Variants in BBS9 observed in about 807,000 individuals in gnomAD.
BBS9 encodes the protein Bardet-Biedl syndrome 9, also known as protein PTHB1.
BBS9 carries 89 observed loss-of-function variants against 117.7 expected under a neutral mutation model. That is an observed-to-expected ratio of 0.76 (90% CI 0.64 to 0.90). BBS9 has a LOEUF of 0.90. Among genes scored for constraint, BBS9 ranks in the 40% least tolerant of loss-of-function variants. The pLI is 0.00. For synonymous variants in BBS9, 379 were observed against 370.9 expected, an observed-to-expected ratio of 1.02 and a Z score of -0.25; for missense variants, 982 against 1,042.2, an observed-to-expected ratio of 0.94 and a Z score of 0.80.
chr7:33,633,511 T>TTTC (rs1491142150), intron 21 of BBS9, among the ~76,000 whole-genome samples: 26 of 104,146 alleles, frequency 2.5e-4, no homozygotes, highest in African/African-American at 8.9e-4. Context: ...AACTTTTTTC[T>TTTC]TTTTTTTTTT....
At chr7:33,141,697 T>C (rs539278274) in intron 1 of BBS9, among the ~76,000 whole-genome samples, 1 of 152,306 alleles carries the variant, frequency 6.6e-6, no homozygotes, top group East Asian at 1.9e-4. Context: ...AGATGCACTT[T>C]TTTTTTGTAG....
intron 9 of BBS9, among the ~76,000 whole-genome samples, chr7:33,282,609 T>A (rs369254505): frequency 3.9e-5 from 6 of 152,198 alleles, no homozygotes; most frequent in African/African-American, 4.8e-5. Context: ...CCTGACCTCG[T>A]GAGTCACCCG....
chr7:33,439,078 C>T lies in BBS9; in HGVS notation c.2115+50934C>T, dbSNP rs41335348. On this transcript the variant is annotated intron_variant, in intron 19 of 22. Coordinates refer to ENST00000242067, the MANE Select transcript of BBS9 (RefSeq NM_198428.3). ...AAAAATGCCTGTATTCTTGGTCAAGCTTTATGGACCCTTCAGCCCTAAAGC... is the reference window on the plus strand; with the variant it reads ...AAAAATGCCTGTATTCTTGGTCAAGTTTTATGGACCCTTCAGCCCTAAAGC... 7.8e-3 allele frequency among the ~76,000 whole-genome samples: 1,194 copies of T among 152,272 alleles called. 20 individuals carry two copies. Among genetic ancestry groups the T allele is most frequent in the African/African-American group, 0.027 (1,140 of 41,536 alleles).
At chr7:33,528,681 G>T (rs1245084873) in intron 20 of BBS9, among the ~76,000 whole-genome samples, 4 of 152,144 alleles carry the variant, frequency 2.6e-5, no homozygotes, top group Non-Finnish European at 4.4e-5. Context: ...TAGTGTTATT[G>T]CTGTTTTGTG....
intron 21 of BBS9, among the ~76,000 whole-genome samples, chr7:33,540,956 T>C (rs1852196294): frequency 1.3e-5 from 2 of 152,228 alleles, no homozygotes; most frequent in African/African-American, 4.8e-5. Flanking sequence ...TTTACTACTT[T>C]GCAGCATTTT....
chr7:33,367,026 C>A (rs1246102689), intron 16 of BBS9, among the ~76,000 whole-genome samples: 1 of 152,104 alleles, frequency 6.6e-6, no homozygotes, highest in East Asian at 1.9e-4. Context: ...CCATTGATAT[C>A]CAATGCTGAG....
At chr7:33,472,082 C>G (rs1320315268) in intron 19 of BBS9, among the ~76,000 whole-genome samples, 2 of 152,216 alleles carry the variant, frequency 1.3e-5, no homozygotes, top group Non-Finnish European at 2.9e-5. Flanking sequence ...ATTTATTCAT[C>G]TAATCTTTCT....
At chr7:33,463,977 A>C (rs1377516578) in intron 19 of BBS9, among the ~76,000 whole-genome samples, 1 of 152,066 alleles carries the variant, frequency 6.6e-6, no homozygotes, top group Non-Finnish European at 1.5e-5. Flanking sequence ...AATGTCCTTA[A>C]GTATTTTTAG....
intron 21 of BBS9, among the ~76,000 whole-genome samples, chr7:33,562,180 A>G (rs905482056): frequency 1.3e-5 from 2 of 152,220 alleles, no homozygotes; most frequent in Non-Finnish European, 2.9e-5. Flanking sequence ...TCAAAGAAAG[A>G]CTAGTTGACC....
intron 19 of BBS9, among the ~76,000 whole-genome samples, chr7:33,400,438 A>AT (rs1489948841): frequency 2.6e-5 from 4 of 152,108 alleles, no homozygotes; most frequent in African/African-American, 7.2e-5. Context: ...GTTTAATCCC[A>AT]TCTGGCACAA....
At chr7:33,456,809 T>C (rs1022175420) in intron 19 of BBS9, among the ~76,000 whole-genome samples, 1 of 152,200 alleles carries the variant, frequency 6.6e-6, no homozygotes, top group Non-Finnish European at 1.5e-5. Flanking sequence ...ATGTAACATC[T>C]CCAAACAGTT....
intron 19 of BBS9, among the ~76,000 whole-genome samples, chr7:33,415,442 A>G (rs1356747259): frequency 6.6e-6 from 1 of 152,230 alleles, no homozygotes; most frequent in Non-Finnish European, 1.5e-5. Flanking sequence ...TCCATAACCA[A>G]CATTAGGGCC....
chr7:33,129,480 C>T (rs754827597), upstream of BBS9: 7 of 198,192 alleles, frequency 3.5e-5, no homozygotes, highest in Non-Finnish European at 6.1e-5. Context: ...CCCGCCTTTG[C>T]GCCTCAGCCT....
chr7:33,257,944 TAA>T (rs1797355865), intron 6 of BBS9, among the ~76,000 whole-genome samples: 1 of 152,198 alleles, frequency 6.6e-6, no homozygotes. Context: ...ATTCATAGTA[TAA>T]GTGAAGTATG....
chr7:33,290,104 G>A (rs942075280), intron 9 of BBS9, among the ~76,000 whole-genome samples: 1 of 151,822 alleles, frequency 6.6e-6, no homozygotes, highest in Non-Finnish European at 1.5e-5. Flanking sequence ...TCTACAGTTC[G>A]CATTTAGGAT....
In BBS9 at chr7:33,167,525, C is replaced by T. The variant is rs1795891467; in HGVS notation, c.329-9953C>T. 2.6e-5 allele frequency among the ~76,000 whole-genome samples: 4 copies of T among 151,702 alleles called. No individual in the cohort carries two copies. In the South Asian group the frequency reaches 6.3e-4, roughly 24 times the overall value. On this transcript the variant is annotated intron_variant, in intron 4 of 22. Transcript: ENST00000242067. ...TCAAGCGACTCTCCTGCCTCAGCCT[C>T]CTGGGTGGCTGGGATTGCAGGTGCC...
At chr7:33,393,843 G>A (rs1231976810) in intron 19 of BBS9, among the ~76,000 whole-genome samples, 1 of 152,122 alleles carries the variant, frequency 6.6e-6, no homozygotes, top group Admixed American at 6.6e-5. Context: ...TTTCTAACAG[G>A]TGGGTCACTG....
chr7:33,620,533 C>A (rs1865354537), intron 21 of BBS9, among the ~76,000 whole-genome samples: 1 of 151,286 alleles, frequency 6.6e-6, no homozygotes. Flanking sequence ...ATAAATTTAG[C>A]CAAGGAGGTG....
At chr7:33,317,993 A>T (rs1166870154) in intron 9 of BBS9, among the ~76,000 whole-genome samples, 1 of 152,166 alleles carries the variant, frequency 6.6e-6, no homozygotes, top group African/African-American at 2.4e-5. Context: ...CAGAAGTTGC[A>T]GTGAGTCGAG....
Sources: gnomAD v4.1 joint callset for allele counts (sites outside exome capture counted in the v4.1 genomes callset) on GRCh38, gnomAD v4.1.1 for gene constraint, MANE v1.5 for transcripts, NCBI Gene and HGNC (gene_info 2026-07-23, HGNC 2026-07-21) for gene names.